SUGP1: variants seen among roughly 807,000 people sequenced by gnomAD.
SUGP1 encodes SURP and G-patch domain-containing protein 1.
SUGP1 carries 34 observed loss-of-function variants against 76.5 expected under a neutral mutation model. That is an observed-to-expected ratio of 0.44 (90% CI 0.34 to 0.59). The LOEUF (loss-of-function observed/expected upper bound fraction) is 0.59, where lower values mean the gene tolerates loss of function less well. Among genes scored for constraint, SUGP1 ranks in the 20% least tolerant of loss-of-function variants. SUGP1 has a pLI of 0.01. For synonymous variants in SUGP1, 326 were observed against 326.2 expected (o/e 1.00, Z 0.01); for missense variants, 752 against 851.7 (o/e 0.88, Z 1.46).
Position 19,305,945 on chromosome 19 carries a change from G to A in SUGP1, c.442C>T (p.His148Tyr). ...TGCGCCACGGGCAGCTGCTTGGCGT[G>A]GGAGTAGCTCTTCACAGGGCCCGGC... is the stretch of plus-strand genomic sequence containing the variant. Reference protein sequence around the residue: ...SLPGPVKSYSHAKQLPVAHRP... With the variant: ...SLPGPVKSYSYAKQLPVAHRP... Residue 148 changes from histidine (H) to tyrosine (Y), a missense_variant, in exon 4 of 14, where the codon CAC becomes TAC. This residue lies in a region of SUGP1 where 620 missense variants were observed against 617.3 expected (regional missense o/e 1.00). Coordinates refer to ENST00000247001, the MANE Select transcript of SUGP1 (RefSeq NM_172231.4). The A allele has an allele frequency of 6.2e-7, 1 of 1,613,246 alleles. No individual in the cohort carries two copies. Among genetic ancestry groups the A allele is most frequent in the Non-Finnish European group, 8.5e-7 (1 of 1,179,958 alleles).
chr19:19,319,248 AG>A (rs1301682844), intron 1 of SUGP1, among the ~76,000 whole-genome samples: 1 of 152,000 alleles, frequency 6.6e-6, no homozygotes, highest in Middle Eastern at 3.2e-3. Flanking sequence ...GAATTCTAAA[AG>A]GCCATTTTCA....
At chr19:19,288,888 C>T (rs1479585844) in intron 8 of SUGP1, among the ~76,000 whole-genome samples, 3 of 152,064 alleles carry the variant, frequency 2.0e-5, no homozygotes, top group African/African-American at 4.8e-5. Context: ...CGAGTTCAAG[C>T]GATTCTCCTG....
chr19:19,302,256 C>T lies in SUGP1; in HGVS notation c.887+9G>A, dbSNP rs765745018. ...GTGACGGTCACCTCCCTGGCAGGGC[C>T]CCCCTTACCTGAATGCCTGGTTCTC... On this transcript the variant is annotated intron_variant, in intron 7 of 13. Transcript: ENST00000247001. The T allele has an allele frequency of 9.9e-6, 16 of 1,613,944 alleles. No homozygotes were observed. Among genetic ancestry groups the T allele is most frequent in the Admixed American group, 1.7e-5 (1 of 59,990 alleles).
chr19:19,293,523 G>A (rs2061201741), intron 8 of SUGP1, among the ~76,000 whole-genome samples: 1 of 151,944 alleles, frequency 6.6e-6, no homozygotes, highest in Admixed American at 6.6e-5. Flanking sequence ...GGCAGAGGTT[G>A]CAGTGAGCTG....
chr19:19,308,095 C>G lies in SUGP1; in HGVS notation c.310+2002G>C, dbSNP rs1174537819. 2.6e-5 allele frequency among the ~76,000 whole-genome samples: 4 copies of G among 152,144 alleles called. No homozygotes were observed. In the East Asian group the frequency reaches 7.7e-4, roughly 29 times the overall value. On this transcript the variant is annotated intron_variant, in intron 3 of 13. Coordinates refer to ENST00000247001, the MANE Select transcript of SUGP1 (RefSeq NM_172231.4). ...CTAGGCTAGAGTACAGTGACGTGAT[C>G]TCCACTCACTGCTACCTCCGCCTCC...
intron 3 of SUGP1, among the ~76,000 whole-genome samples, chr19:19,306,897 G>T (rs531129245): frequency 6.6e-4 from 100 of 152,322 alleles, no homozygotes; most frequent in Admixed American, 4.0e-3. Context: ...AGCAAGGCAG[G>T]GGATGGGGCA....
rs2061188315 is a variant in SUGP1 at position 19,291,963 on chromosome 19, G to A, written c.1243+5026C>T. Among the ~76,000 whole-genome samples the A allele has an allele frequency of 2.0e-5, 3 of 147,636 alleles. 1 individual carries two copies. The South Asian group carries it at 6.4e-4, about 32-fold the overall frequency. ...GGCCAAGAATTAGATAGCTTCACTG[G>A]TAAAGCAAACATTTAAAAGAAGAAA... is the stretch of plus-strand genomic sequence containing the variant. On this transcript the variant is annotated intron_variant, in intron 8 of 13. Transcript: ENST00000247001.
intron 7 of SUGP1, among the ~76,000 whole-genome samples, 183 bp from the exon 8 acceptor site, chr19:19,297,527 T>G (rs2061237365): frequency 6.6e-6 from 1 of 151,910 alleles, no homozygotes; most frequent in Non-Finnish European, 1.5e-5. Context: ...GACTGCTGGT[T>G]CTGGTGGCCC....
rs779234612 is a variant in SUGP1 at position 19,297,312 on chromosome 19, T to C, written c.920A>G (p.Lys307Arg). The C allele has an allele frequency of 6.5e-7, 1 of 1,528,896 alleles. No homozygotes were observed. Among genetic ancestry groups the C allele is most frequent in the South Asian group, 1.3e-5 (1 of 79,354 alleles). 94.7% of individuals were successfully genotyped at this position (1,528,896 alleles called of 1,614,324 possible). The change falls in exon 8 of 14, where the codon AAG becomes AGG. Residue 307 changes from lysine (K) to arginine (R), a missense_variant. This residue lies in a region of SUGP1 where 620 missense variants were observed against 617.3 expected (regional missense o/e 1.00). Coordinates refer to ENST00000247001, the MANE Select transcript of SUGP1 (RefSeq NM_172231.4). ...FLYEPNSQGY[K>R]YYRQKLEEFR... ...CTCCTCCAGCTTCTGTCGGTAGTAC[T>C]TGTACCCTTGGCTATTGGGCTCATA...
At chr19:19,318,424 T>G (rs2061411311) in intron 1 of SUGP1, among the ~76,000 whole-genome samples, 1 of 151,934 alleles carries the variant, frequency 6.6e-6, no homozygotes, top group South Asian at 2.1e-4. Flanking sequence ...CCAGCCGTTT[T>G]TTTTGTTTTG....
intron 8 of SUGP1, among the ~76,000 whole-genome samples, chr19:19,284,682 G>A (rs1040487386): frequency 1.3e-5 from 2 of 152,200 alleles, no homozygotes; most frequent in Admixed American, 6.5e-5. Context: ...AAAGCAAGGC[G>A]AAGGAGCGAA....
intron 2 of SUGP1, among the ~76,000 whole-genome samples, chr19:19,313,995 G>A (rs1002317694): frequency 2.0e-5 from 3 of 152,062 alleles, no homozygotes; most frequent in East Asian, 3.9e-4. Flanking sequence ...AAAATTAGCC[G>A]GGCACGATGG....
intron 2 of SUGP1, among the ~76,000 whole-genome samples, chr19:19,312,113 T>C (rs1053449854): frequency 2.6e-4 from 40 of 151,994 alleles, no homozygotes; most frequent in African/African-American, 8.7e-4. Context: ...TGGTGGCGTG[T>C]GCCTATAATT....
chr19:19,312,118 AT>A (rs1157980494), intron 2 of SUGP1, among the ~76,000 whole-genome samples: 21 of 152,134 alleles, frequency 1.4e-4, no homozygotes, highest in African/African-American at 5.1e-4. Context: ...GCGTGTGCCT[AT>A]AATTCCAGCA....
In SUGP1 at chr19:19,305,917, C is replaced by A. The variant is rs376950672; in HGVS notation, c.470G>T (p.Arg157Leu). 6.2e-7 allele frequency: 1 copy of A among 1,613,612 alleles called. No homozygotes were observed. The highest frequency in any genetic ancestry group is 8.5e-7 in the Non-Finnish European group (1 of 1,179,938). ...GTCAGGGGACTGGAAGACACTCGGGCGGTGCGCCACGGGCAGCTGCTTGGC... is the reference window on the plus strand; with the variant it reads ...GTCAGGGGACTGGAAGACACTCGGGAGGTGCGCCACGGGCAGCTGCTTGGC... ...SHAKQLPVAH[R>L]PSVFQSPDED... Residue 157 changes from arginine to leucine, a missense_variant, in exon 4 of 14, where the codon CGC becomes CTC. Physicochemically the swap from Arg to Leu is moderately radical, Grantham distance 102. Transcript: ENST00000247001.
intron 8 of SUGP1, among the ~76,000 whole-genome samples, chr19:19,290,240 G>A (rs958876398): frequency 2.0e-5 from 3 of 152,134 alleles, no homozygotes; most frequent in Non-Finnish European, 2.9e-5. Context: ...AAGTTCTTGC[G>A]GGCAAGGAGA....
chr19:19,316,430 A>T lies in SUGP1; in HGVS notation c.198T>A (p.His66Gln), dbSNP rs1317709277. The T allele has an allele frequency of 4.3e-6, 7 of 1,613,804 alleles. No homozygotes were observed. Among genetic ancestry groups the T allele is most frequent in the Non-Finnish European group, 5.9e-6 (7 of 1,179,982 alleles). The change falls in exon 2 of 14, where the codon CAT (histidine) becomes CAA (glutamine). Residue 66 changes from histidine to glutamine, a missense_variant. Around this residue, in one of 2 missense-constraint regions of SUGP1, gnomAD observed 620 missense variants for 617.3 expected, o/e 1.00. Coordinates refer to ENST00000247001, the MANE Select transcript of SUGP1 (RefSeq NM_172231.4). ...CCCCAGCAGGCACTTACTCGCCAGG[A>T]TGTGGGGGCTGAGGGCTGGCCACCT... is the stretch of plus-strand genomic sequence containing the variant. ...QNQVASPQPP[H>Q]PGEITNAHNS...
intron 7 of SUGP1, among the ~76,000 whole-genome samples, chr19:19,298,479 G>C (rs1016295809): frequency 1.3e-5 from 2 of 152,152 alleles, no homozygotes; most frequent in Admixed American, 1.3e-4. Flanking sequence ...GCCTGGACCA[G>C]AGTGAGACTC....
chr19:19,308,589 C>T (rs2146622595), intron 3 of SUGP1, among the ~76,000 whole-genome samples: 1 of 152,380 alleles, frequency 6.6e-6, no homozygotes, highest in South Asian at 2.1e-4. Flanking sequence ...GCACCTCAGC[C>T]GCAGCAGGCC....
Sources: gnomAD v4.1 joint callset for allele counts (sites outside exome capture counted in the v4.1 genomes callset) on GRCh38, gnomAD v4.1.1 for gene constraint, gnomAD v4.1.1 regional missense constraint, MANE v1.5 for transcripts, NCBI Gene and HGNC (gene_info 2026-07-23, HGNC 2026-07-21) for gene names.